Variants in TPRG1 observed in about 807,000 individuals in gnomAD.
TPRG1 encodes tumor protein p63 regulated 1, also known as tumor protein p63-regulated gene 1 protein.
In TPRG1, 29 loss-of-function variants were observed where a neutral mutation model predicts 29.3. The ratio of observed to expected loss-of-function variants is 0.99; its 90% CI spans 0.74 to 1.35. The LOEUF is 1.35. Ranked by LOEUF, TPRG1 falls within the 40% of genes most tolerant of loss-of-function variation. The pLI is 0.00. For missense variants in TPRG1, 327 were observed against 335.0 expected, an observed-to-expected ratio of 0.98 and a Z score of 0.19; for synonymous variants, 130 against 116.8, an observed-to-expected ratio of 1.11 and a Z score of -0.73.
intron 3 of TPRG1, among the ~76,000 whole-genome samples, chr3:189,022,516 T>A (rs536748409): frequency 9.9e-4 from 150 of 151,580 alleles, no homozygotes; most frequent in Middle Eastern, 3.4e-3. Context: ...GTGCCCCTGC[T>A]GGGGGGTGCC....
chr3:189,286,433 A>G (rs762088303), intron 4 of TPRG1, among the ~76,000 whole-genome samples: 3 of 152,140 alleles, frequency 2.0e-5, no homozygotes, highest in Non-Finnish European at 4.4e-5. Flanking sequence ...TGTGTCTACA[A>G]CAATGCCAAT....
At chr3:189,165,205 C>G (rs1255516163) in intron 5 of TPRG1, among the ~76,000 whole-genome samples, 1 of 151,954 alleles carries the variant, frequency 6.6e-6, no homozygotes. Flanking sequence ...ATGAAAGAAT[C>G]GTGGGTCATT....
At chr3:189,272,968 G>A (rs1715487760) in intron 4 of TPRG1, among the ~76,000 whole-genome samples, 1 of 152,164 alleles carries the variant, frequency 6.6e-6, no homozygotes, top group Non-Finnish European at 1.5e-5. Context: ...ACCATCCAAA[G>A]CAGGCATTTT....
chr3:189,225,032 C>T (rs1160671118), intron 3 of TPRG1, among the ~76,000 whole-genome samples: 7 of 151,370 alleles, frequency 4.6e-5, no homozygotes, highest in Admixed American at 2.0e-4. Flanking sequence ...CCTGGGTTCA[C>T]GCCATTCTCC....
intron 4 of TPRG1, among the ~76,000 whole-genome samples, chr3:189,242,396 T>C (rs1740755836): frequency 6.6e-6 from 1 of 152,142 alleles, no homozygotes; most frequent in Admixed American, 6.6e-5. Context: ...AATCAGCTTG[T>C]CTAATGTTTG....
intron 2 of TPRG1, among the ~76,000 whole-genome samples, chr3:189,210,415 C>T (rs75571697): frequency 0.07 from 10,599 of 152,056 alleles, 490 homozygotes; most frequent in Middle Eastern, 0.13. Flanking sequence ...TAAATGTAGA[C>T]GTGTAGGGTC....
chr3:189,002,110 T>C (rs892058243), intron 2 of TPRG1, among the ~76,000 whole-genome samples: 1 of 152,182 alleles, frequency 6.6e-6, no homozygotes, highest in African/African-American at 2.4e-5. Flanking sequence ...TAATACTCCT[T>C]AGCCTAGTGG....
intron 4 of TPRG1, among the ~76,000 whole-genome samples, chr3:189,295,205 T>C (rs1047634428): frequency 8.5e-5 from 13 of 152,190 alleles, no homozygotes; most frequent in Admixed American, 3.9e-4. Flanking sequence ...TAATGAAAGC[T>C]TCTCCCCTCA....
intron 4 of TPRG1, among the ~76,000 whole-genome samples, chr3:189,241,552 T>C (rs575202351): frequency 1.3e-5 from 2 of 152,270 alleles, no homozygotes; most frequent in Admixed American, 6.5e-5. Flanking sequence ...GTTTGTCATA[T>C]CTCTTTTAAC....
In TPRG1 at chr3:189,213,200, T is replaced by TA. The variant is rs1234463052; in HGVS notation, c.211-2091dup. 5.4e-5 allele frequency among the ~76,000 whole-genome samples: 8 copies of TA among 149,432 alleles called. No homozygotes were observed. In the South Asian group the frequency reaches 1.3e-3, roughly 24 times the overall value. ...ATTTACCATTTTATATGTAATAATA[T>TA]ATATAGTGTTTTGTAGCATGACTCA... is the stretch of plus-strand genomic sequence containing the variant. On this transcript the variant is annotated intron_variant, in intron 2 of 5. Transcript: ENST00000345063.
intron 4 of TPRG1, among the ~76,000 whole-genome samples, chr3:189,057,962 T>C (rs911223099): frequency 2.0e-5 from 3 of 151,410 alleles, no homozygotes; most frequent in African/African-American, 7.3e-5. Flanking sequence ...ATATATATGT[T>C]GTATGTACAT....
At chr3:189,309,246 G>A (rs143159915) in intron 4 of TPRG1, among the ~76,000 whole-genome samples, 1 of 152,028 alleles carries the variant, frequency 6.6e-6, no homozygotes, top group African/African-American at 2.4e-5. Context: ...GGGGAGCGGA[G>A]TGTTATATGC....
At chr3:189,034,405 C>A (rs1055123573) in intron 4 of TPRG1, among the ~76,000 whole-genome samples, 3 of 151,986 alleles carry the variant, frequency 2.0e-5, no homozygotes, top group African/African-American at 7.3e-5. Context: ...GATCAGATAG[C>A]AAATTAAGAT....
intron 5 of TPRG1, among the ~76,000 whole-genome samples, chr3:189,154,191 A>AT (rs1726341163): frequency 6.6e-6 from 1 of 152,230 alleles, no homozygotes; most frequent in African/African-American, 2.4e-5. Flanking sequence ...AAGGAGTTTG[A>AT]TGCTGAAGAG....
intron 3 of TPRG1, among the ~76,000 whole-genome samples, chr3:189,142,165 A>G (rs897943311): frequency 6.6e-6 from 1 of 152,190 alleles, no homozygotes; most frequent in Non-Finnish European, 1.5e-5. Flanking sequence ...CAGCACGTAC[A>G]GAGGACGCGT....
chr3:189,044,555 C>CAAA (rs11431509), intron 4 of TPRG1, among the ~76,000 whole-genome samples: 1 of 98,794 alleles, frequency 1.0e-5, no homozygotes. Flanking sequence ...AACTCCGTCT[C>CAAA]AAAAAAAAAA....
intron 3 of TPRG1, among the ~76,000 whole-genome samples, chr3:189,216,375 C>G (rs745693693): frequency 6.6e-5 from 10 of 152,140 alleles, no homozygotes; most frequent in Admixed American, 2.6e-4. Flanking sequence ...TCCAGGCCAG[C>G]AGAACAAATT....
rs115781451 is a variant in TPRG1, at chr3:189,015,352, G to C, written c.-659-8398G>C. Among the ~76,000 whole-genome samples the C allele has an allele frequency of 6.0e-3, 918 of 152,288 alleles. 10 individuals are homozygous for C. Among genetic ancestry groups the C allele is most frequent in the African/African-American group, 0.021 (868 of 41,558 alleles). ...AGTTATATGCATTCACAAAGAGATG[G>C]TCTGAAATTGAAACTTATGTTTAAA... On this transcript the variant is annotated intron_variant, in intron 3 of 10. Coordinates refer to the TPRG1 transcript ENST00000433971.
At chr3:189,159,720 T>C (rs1727198469) in intron 5 of TPRG1, among the ~76,000 whole-genome samples, 1 of 152,128 alleles carries the variant, frequency 6.6e-6, no homozygotes, top group Non-Finnish European at 1.5e-5. Context: ...AGGAGTGCAG[T>C]GTGGAATGGG....
Sources: gnomAD v4.1 joint callset for allele counts (sites outside exome capture counted in the v4.1 genomes callset) on GRCh38, gnomAD v4.1.1 for gene constraint, MANE v1.5 for transcripts, NCBI Gene and HGNC (gene_info 2026-07-23, HGNC 2026-07-21) for gene names.